Variants in SECISBP2L observed in about 807,000 individuals in gnomAD.
The protein encoded by SECISBP2L is SECIS binding protein 2 like, also known as selenocysteine insertion sequence-binding protein 2-like.
SECISBP2L carries 43 observed loss-of-function variants against 114.7 expected under a neutral mutation model. The ratio of observed to expected loss-of-function variants is 0.38; its 90% CI spans 0.29 to 0.48. SECISBP2L has a LOEUF of 0.48. Ranked by LOEUF, SECISBP2L falls within the 20% of genes least tolerant of loss-of-function variation. The pLI is 0.98. For missense variants in SECISBP2L, 1,136 were observed against 1,301.1 expected, an observed-to-expected ratio of 0.87 and a Z score of 1.95; for synonymous variants, 451 against 439.7, an observed-to-expected ratio of 1.03 and a Z score of -0.32.
chr15:49,020,945 T>G (rs751412624), intron 7 of SECISBP2L, among the ~76,000 whole-genome samples: 2 of 152,144 alleles, frequency 1.3e-5, no homozygotes. Context: ...TTAAATCACA[T>G]AAATTAGTAT....
chr15:49,000,310 T>G (rs1461644104), intron 15 of SECISBP2L, among the ~76,000 whole-genome samples: 1 of 152,200 alleles, frequency 6.6e-6, no homozygotes, highest in African/African-American at 2.4e-5. Flanking sequence ...GTGGCTGACT[T>G]GCAAATGTTT....
In SECISBP2L at chr15:48,992,809, G is replaced by C. The variant is rs368661434; in HGVS notation, c.2741C>G (p.Thr914Arg). The C allele has an allele frequency of 5.0e-6, 8 of 1,614,050 alleles. No homozygotes were observed. The African/African-American group carries it at 9.3e-5, about 19-fold the overall frequency. Residue 914 changes from threonine to arginine, a missense_variant, in exon 18 of 18, where the codon ACA becomes AGA. Physicochemically the swap from Thr to Arg is moderately conservative, Grantham distance 71 (BLOSUM62 -1). This residue lies in a region of SECISBP2L where 684 missense variants were observed against 848.7 expected (regional missense o/e 0.81). Transcript: ENST00000559471. The part of the protein sequence containing the change: ...SEKPSKLPFD[T>R]PPIGKQPSLV... ...TGATGGCTGCTTACCAATTGGGGGT[G>C]TGTCAAATGGAAGTTTACTGGGTTT... is the stretch of plus-strand genomic sequence containing the variant.
chr15:49,028,720 G>T, intron 4 of SECISBP2L, 38 bp from the exon 5 acceptor site: 1 of 1,466,412 alleles, frequency 6.8e-7, no homozygotes, highest in South Asian at 1.1e-5. Flanking sequence ...TCTTTGTGAT[G>T]AACAAATTGA....
rs1327140983 is a variant in SECISBP2L, at chr15:49,046,357, T to C, written c.-58A>G. 6 of 1,433,042 alleles carry C rather than the reference T, an allele frequency of 4.2e-6. No homozygotes were observed. The highest frequency in any genetic ancestry group is 5.5e-6 in the Non-Finnish European group (6 of 1,086,124). 88.8% of individuals were successfully genotyped at this position (1,433,042 alleles called of 1,614,324 possible). ...CGGTGTAAACAGCGCCTCGGGCCGC[T>C]TTCTCCATGGCCCCCCGCTCGGGTC... On this transcript the variant is annotated 5_prime_UTR_variant, in exon 1 of 18. Transcript: ENST00000559471.
In SECISBP2L at chr15:48,992,913, T is replaced by C. The variant is rs1902014799; in HGVS notation, c.2637A>G (p.Arg879=). 2 of 1,611,302 alleles carry C rather than the reference T, an allele frequency of 1.2e-6. No individual in the cohort carries two copies. The highest frequency in any genetic ancestry group is 2.7e-5 in the African/African-American group (2 of 74,734). Reference sequence around the variant, plus strand: ...GTCCATCTGAAGTTTCCACCATGTTTCTCCAATTTGTTTCTACAAGTATCA... The same window carrying C: ...GTCCATCTGAAGTTTCCACCATGTTCCTCCAATTTGTTTCTACAAGTATCA... The part of the protein sequence containing the change: ...VNEKEYETNW[R]NMVETSDGLE... The change falls in exon 18 of 18, where the codon AGA becomes AGG. Residue 879 remains arginine (R), a synonymous_variant. Transcript: ENST00000559471.
In SECISBP2L at chr15:48,990,377, A is replaced by T. The variant is rs764587370; in HGVS notation, c.*1867T>A. On this transcript the variant is annotated 3_prime_UTR_variant, in exon 18 of 18. Coordinates refer to ENST00000559471, the MANE Select transcript of SECISBP2L (RefSeq NM_001193489.2). Reference sequence around the variant, plus strand: ...AACGAACACTTCCAAATGTGTAGAGACAGTAAGATCTGCCATGTATAAATC... The same window carrying T: ...AACGAACACTTCCAAATGTGTAGAGTCAGTAAGATCTGCCATGTATAAATC... The T allele has an allele frequency of 2.0e-5, 3 of 152,382 alleles. No individual in the cohort carries two copies. Among genetic ancestry groups the T allele is most frequent in the Non-Finnish European group, 4.4e-5 (3 of 68,030 alleles). The allele number at this position is 152,382 out of a possible 1,614,324, so 9.4% of individuals were successfully genotyped here.
In SECISBP2L at chr15:48,992,047, C is replaced by T. The variant is rs532044754; in HGVS notation, c.*197G>A. 28 of 463,504 alleles carry T rather than the reference C, an allele frequency of 6.0e-5. No homozygotes were observed. Among genetic ancestry groups the T allele is most frequent in the African/African-American group, 4.9e-4 (25 of 51,242 alleles). The allele number at this position is 463,504 out of a possible 1,614,324, so 28.7% of individuals were successfully genotyped here. On this transcript the variant is annotated 3_prime_UTR_variant, in exon 18 of 18. Transcript: ENST00000559471. ...AGCTGAAACAGATCTGAATTTTCCA[C>T]ACAGTTCTTAGAAAGACACTTAGAT...
intron 11 of SECISBP2L, 28 bp downstream of exon 11, chr15:49,016,532 A>G (rs1458899781): frequency 6.4e-7 from 1 of 1,568,104 alleles, no homozygotes; most frequent in Non-Finnish European, 8.6e-7. Flanking sequence ...AGAGACAAAC[A>G]GCAAATTGCT....
In SECISBP2L at chr15:48,999,958, T is replaced by C; in HGVS notation, c.2278A>G (p.Ile760Val). 6.2e-7 allele frequency: 1 copy of C among 1,613,930 alleles called. No individual in the cohort carries two copies. Among genetic ancestry groups the C allele is most frequent in the Non-Finnish European group, 8.5e-7 (1 of 1,179,896 alleles). The change falls in exon 16 of 18, where the codon ATA becomes GTA. Residue 760 changes from isoleucine (I) to valine (V), a missense_variant. By Grantham distance (29) the Ile-to-Val change is conservative (BLOSUM62 3). Around this residue, in one of 2 missense-constraint regions of SECISBP2L, gnomAD observed 684 missense variants for 848.7 expected, o/e 0.81. Coordinates refer to ENST00000559471, the MANE Select transcript of SECISBP2L (RefSeq NM_001193489.2). ...GGLDEALYNV[I>V]AMAREQEIPF... is the part of the protein sequence containing the mutation. ...ATTTCTTGTTCCCGTGCCATGGCTA[T>C]AACATTATAGAGAGCCTCATCCAGA...
chr15:48,997,835 C>CT (rs1469397057), intron 16 of SECISBP2L, among the ~76,000 whole-genome samples: 4 of 152,138 alleles, frequency 2.6e-5, no homozygotes, highest in African/African-American at 9.7e-5. Context: ...TGCCATTGCA[C>CT]TCCAGCCTGG....
Position 49,017,612 on chromosome 15 carries a change from T to C in SECISBP2L, c.1187A>G (p.Gln396Arg), listed in dbSNP as rs1308413576. The C allele has an allele frequency of 6.2e-7, 1 of 1,608,326 alleles. No homozygotes were observed. The highest frequency in any genetic ancestry group is 1.1e-5 in the South Asian group (1 of 89,960). Reference protein sequence around the residue: ...SLYFEDEDGFQELNENGNAKD... With the variant: ...SLYFEDEDGFRELNENGNAKD... ...AGCATTTCCATTCTCATTTAGTTCT[T>C]GAAACCCATCTTCATCCTGAAATGT... is the stretch of plus-strand genomic sequence containing the variant. Residue 396 changes from glutamine (Q) to arginine (R), a missense_variant, in exon 9 of 18, where the codon CAA becomes CGA. This residue lies in a region of SECISBP2L where 684 missense variants were observed against 848.7 expected (regional missense o/e 0.81). Transcript: ENST00000559471.
Position 48,990,168 on chromosome 15 carries a change from C to T in SECISBP2L, c.*2076G>A, listed in dbSNP as rs767952479. 6.6e-6 allele frequency: 1 copy of T among 152,586 alleles called. No individual in the cohort carries two copies. Among genetic ancestry groups the T allele is most frequent in the South Asian group, 2.1e-4 (1 of 4,826 alleles). The allele number at this position is 152,586 out of a possible 1,614,324, so 9.5% of individuals were successfully genotyped here. On this transcript the variant is annotated 3_prime_UTR_variant, in exon 18 of 18. Coordinates refer to ENST00000559471, the MANE Select transcript of SECISBP2L (RefSeq NM_001193489.2). Reference sequence around the variant, plus strand: ...TACAAATGTCAAAAATCTAAAATGACAATTCATGTTCAGAAGAGATATAAA... The same window carrying T: ...TACAAATGTCAAAAATCTAAAATGATAATTCATGTTCAGAAGAGATATAAA...
At chr15:48,997,804 G>A (rs1902124556) in intron 16 of SECISBP2L, among the ~76,000 whole-genome samples, 1 of 152,208 alleles carries the variant, frequency 6.6e-6, no homozygotes, top group Admixed American at 6.5e-5. Flanking sequence ...GGGAGGTGGA[G>A]GTTGTGGTGA....
At chr15:49,001,611 C>T (rs1284927440) in intron 14 of SECISBP2L, 2 of 152,838 alleles carry the variant, frequency 1.3e-5, no homozygotes, top group African/African-American at 4.8e-5. Flanking sequence ...CTATCCCTCC[C>T]CTAGCCTCCC....
intron 7 of SECISBP2L, among the ~76,000 whole-genome samples, chr15:49,022,020 T>C (rs920220378): frequency 6.6e-6 from 1 of 152,118 alleles, no homozygotes; most frequent in Non-Finnish European, 1.5e-5. Flanking sequence ...TCATACCCCA[T>C]TTACAATAAA....
chr15:49,040,476 A>G (rs1204703916), intron 1 of SECISBP2L, among the ~76,000 whole-genome samples: 1 of 150,220 alleles, frequency 6.7e-6, no homozygotes, highest in African/African-American at 2.4e-5. Context: ...ATCAAAATGC[A>G]GCATCTGTTG....
intron 12 of SECISBP2L, 48 bp downstream of exon 12, chr15:49,012,600 A>G (rs1375101838): frequency 6.3e-7 from 1 of 1,583,624 alleles, no homozygotes; most frequent in South Asian, 1.1e-5. Flanking sequence ...ACAGATTAAA[A>G]TCCTTATTCA....
At chr15:49,039,521 TTTTC>T (rs1293277663) in intron 1 of SECISBP2L, among the ~76,000 whole-genome samples, 31 of 151,750 alleles carry the variant, frequency 2.0e-4, no homozygotes, top group Non-Finnish European at 3.5e-4. Context: ...TTTCTTTTTT[TTTTC>T]TTTCTTTTTT....
intron 14 of SECISBP2L, among the ~76,000 whole-genome samples, chr15:49,005,881 T>C (rs533277569): frequency 2.4e-4 from 36 of 152,254 alleles, no homozygotes; most frequent in Admixed American, 2.2e-3. Context: ...GTTTTTGCAG[T>C]GGCTGGTACC....
Sources: allele counts gnomAD v4.1 joint callset (sites outside exome capture counted in the v4.1 genomes callset), GRCh38; gene constraint gnomAD v4.1.1; regional missense constraint gnomAD v4.1.1; transcripts MANE v1.5; gene names NCBI Gene and HGNC (gene_info 2026-07-23, HGNC 2026-07-21).